FAIM: variants seen among roughly 807,000 people sequenced by gnomAD.
FAIM encodes the protein fas apoptotic inhibitory molecule 1.
Under a neutral mutation model 21.2 loss-of-function variants are expected in FAIM, and 14 were observed. That is an observed-to-expected ratio of 0.66 (90% CI 0.44 to 1.03). The LOEUF is 1.03. FAIM is among the 50% of genes least tolerant of loss of function. FAIM has a pLI of 0.00. For synonymous variants in FAIM, 86 were observed against 80.4 expected, an observed-to-expected ratio of 1.07 and a Z score of -0.37; for missense variants, 222 against 247.1, an observed-to-expected ratio of 0.90 and a Z score of 0.68.
intron 1 of FAIM, among the ~76,000 whole-genome samples, chr3:138,616,407 G>T (rs755856145): frequency 6.6e-6 from 1 of 152,124 alleles, no homozygotes; most frequent in Non-Finnish European, 1.5e-5. Context: ...TTGGAACAGG[G>T]TCTTGCTCTG....
At chr3:138,627,941 A>C (rs2042957154) in intron 4 of FAIM, among the ~76,000 whole-genome samples, 1 of 152,150 alleles carries the variant, frequency 6.6e-6, no homozygotes, top group Non-Finnish European at 1.5e-5. Flanking sequence ...CCTGACCCCC[A>C]GACTCCTTGT....
chr3:138,615,337 C>T lies in FAIM; in HGVS notation c.-16-4374C>T, dbSNP rs73868105. On this transcript the variant is annotated intron_variant, in intron 1 of 5. Coordinates refer to ENST00000360570, the MANE Select transcript of FAIM (RefSeq NM_001033031.2). The stretch of plus-strand genomic sequence containing the variant: ...ACCATCTGTATTTGACTTTGGAGTG[C>T]TTTCAGAACATTTGGTGGGCATTTA... Among the ~76,000 whole-genome samples, 513 of 152,328 alleles carry T rather than the reference C, an allele frequency of 3.4e-3. 2 individuals are homozygous for T. Among genetic ancestry groups the T allele is most frequent in the African/African-American group, 0.012 (496 of 41,588 alleles).
At chr3:138,609,563 TCTCTCTCTCTCTCGA>T (rs2042737914) in intron 1 of FAIM, among the ~76,000 whole-genome samples, 1 of 92,626 alleles carries the variant, frequency 1.1e-5, no homozygotes, top group African/African-American at 4.1e-5. Flanking sequence ...TCTCTCTCTC[TCTCTCTCTCTCTCGA>T]CTCTCTCTCT....
At chr3:138,609,072 G>C (rs1278662306) in intron 1 of FAIM, 135 bp downstream of exon 1, 1 of 153,426 alleles carries the variant, frequency 6.5e-6, no homozygotes, top group African/African-American at 2.4e-5. Context: ...TGCTGCGCCG[G>C]CGGCGGCCAT....
intron 4 of FAIM, among the ~76,000 whole-genome samples, chr3:138,624,790 A>T (rs768426162): frequency 6.6e-5 from 10 of 152,194 alleles, no homozygotes; most frequent in Non-Finnish European, 1.5e-4. Context: ...TCCCTCACAG[A>T]GTTGTGATAT....
At chr3:138,610,777 T>G (rs978900775) in intron 1 of FAIM, 2 of 541,254 alleles carry the variant, frequency 3.7e-6, no homozygotes, top group Non-Finnish European at 6.6e-6. Context: ...AAGACAGGAT[T>G]TCACCGTTTT....
chr3:138,632,045 C>CT (rs909150327), intron 5 of FAIM, among the ~76,000 whole-genome samples: 2 of 151,692 alleles, frequency 1.3e-5, no homozygotes, highest in African/African-American at 2.4e-5. Context: ...TGGCATAAAT[C>CT]TTTTTTTTAT....
chr3:138,614,340 T>C (rs976590224), intron 1 of FAIM, among the ~76,000 whole-genome samples: 2 of 151,992 alleles, frequency 1.3e-5, no homozygotes, highest in Non-Finnish European at 1.5e-5. Flanking sequence ...CTAAGGAGGC[T>C]GAGGTGGGAG....
intron 1 of FAIM, among the ~76,000 whole-genome samples, chr3:138,618,373 A>C (rs2042850399): frequency 1.3e-5 from 2 of 152,014 alleles, no homozygotes; most frequent in South Asian, 4.1e-4. Context: ...TTCTTCTTTA[A>C]TATCTTTTTG....
At chr3:138,609,027 C>CA (rs1354322884) in intron 1 of FAIM, 90 bp downstream of exon 1, 1 of 152,536 alleles carries the variant, frequency 6.6e-6, no homozygotes, top group East Asian at 1.9e-4. Context: ...GAAACCCCTG[C>CA]ACTCAGCCCC....
intron 1 of FAIM, among the ~76,000 whole-genome samples, chr3:138,610,332 G>T (rs1268656955): frequency 6.6e-6 from 1 of 152,102 alleles, no homozygotes; most frequent in Non-Finnish European, 1.5e-5. Context: ...AGATTGATGG[G>T]TACGTATGAG....
intron 5 of FAIM, chr3:138,629,365 G>A: frequency 2.2e-6 from 1 of 464,666 alleles, no homozygotes; most frequent in Non-Finnish European, 3.8e-6. Context: ...CATGTTCTTA[G>A]CTGGCACTAG....
chr3:138,620,527 A>T (rs1302703947), intron 2 of FAIM, among the ~76,000 whole-genome samples: 1 of 152,124 alleles, frequency 6.6e-6, no homozygotes, highest in Non-Finnish European at 1.5e-5. Flanking sequence ...AGACAGTCTC[A>T]CTCTTTCACC....
At chr3:138,619,133 C>G (rs1457094585) in intron 1 of FAIM, among the ~76,000 whole-genome samples, 1 of 152,192 alleles carries the variant, frequency 6.6e-6, no homozygotes, top group African/African-American at 2.4e-5. Context: ...TGAGAGCAGA[C>G]CAGCATATCC....
In FAIM at chr3:138,633,332, G is replaced by A. The variant is rs1270163769; in HGVS notation, c.*253G>A. The stretch of plus-strand genomic sequence containing the variant: ...TAAGATATGGACCAAAGTCACTAAT[G>A]TTTTACAACAGTAACCTTTACTATA... On this transcript the variant is annotated 3_prime_UTR_variant, in exon 6 of 6. Coordinates refer to ENST00000360570, the MANE Select transcript of FAIM (RefSeq NM_001033031.2). 3.8e-6 allele frequency: 1 copy of A among 263,692 alleles called. No homozygotes were observed. Among genetic ancestry groups the A allele is most frequent in the African/African-American group, 2.2e-5 (1 of 44,746 alleles). The allele number at this position is 263,692 out of a possible 1,614,324, so 16.3% of individuals were successfully genotyped here.
intron 1 of FAIM, chr3:138,610,728 C>T (rs578024812): frequency 1.1e-5 from 4 of 379,888 alleles, no homozygotes; most frequent in East Asian, 1.1e-4. Context: ...GATTTACAGA[C>T]GTGCGCTACC....
intron 1 of FAIM, among the ~76,000 whole-genome samples, chr3:138,609,607 T>C (rs1192278339): frequency 4.4e-4 from 37 of 84,082 alleles, no homozygotes; most frequent in Admixed American, 6.6e-4. Flanking sequence ...TCTCTCTCTC[T>C]CTCTCGACTC....
chr3:138,611,875 G>C (rs1350307369), intron 1 of FAIM, among the ~76,000 whole-genome samples: 1 of 152,154 alleles, frequency 6.6e-6, no homozygotes, highest in East Asian at 1.9e-4. Context: ...CCAATCTTGA[G>C]CTTCTCCAGA....
chr3:138,621,653 TG>T, intron 3 of FAIM, 114 bp downstream of exon 3: 2 of 873,096 alleles, frequency 2.3e-6, no homozygotes, highest in Non-Finnish European at 3.5e-6. Flanking sequence ...GTCATGTTTT[TG>T]ATCTGTATCA....
Sources: allele counts gnomAD v4.1 joint callset (sites outside exome capture counted in the v4.1 genomes callset), GRCh38; gene constraint gnomAD v4.1.1; transcripts MANE v1.5; gene names NCBI Gene and HGNC (gene_info 2026-07-23, HGNC 2026-07-21).